Variants in JAK1 observed in about 807,000 individuals in gnomAD.
JAK1 encodes tyrosine-protein kinase JAK1.
Under a neutral mutation model 136.6 loss-of-function variants are expected in JAK1, and 16 were observed. The observed-to-expected ratio is 0.12, with a 90% CI of 0.08 to 0.18. JAK1 has a LOEUF of 0.18. Among genes scored for constraint, JAK1 ranks in the 10% least tolerant of loss-of-function variants. JAK1 has a pLI of 1.00. For synonymous variants in JAK1, 492 were observed against 519.5 expected, an observed-to-expected ratio of 0.95 and a Z score of 0.72; for missense variants, 859 against 1,450.1, an observed-to-expected ratio of 0.59 and a Z score of 6.62.
chr1:64,839,663 T>C lies in JAK1; in HGVS notation c.2782A>G (p.Ile928Val). ...HIADLKKEIE[I>V]LRNLYHENIV... ...TTCTCATGATAGAGGTTCCTTAAGA[T>C]CTCGATTTCCTTTTTCAGATCAGCT... Residue 928 changes from isoleucine to valine, a missense_variant, in exon 20 of 25, where the codon ATC becomes GTC. Ile to Val is a conservative substitution (Grantham distance 29). Around this residue, in one of 4 missense-constraint regions of JAK1, gnomAD observed 409 missense variants for 753.8 expected, o/e 0.54. Transcript: ENST00000342505. 2 of 1,614,212 alleles carry C rather than the reference T, an allele frequency of 1.2e-6. No homozygotes were observed. Among genetic ancestry groups the C allele is most frequent in the South Asian group, 1.1e-5 (1 of 91,082 alleles).
At chr1:65,051,313 T>C (rs1001317944) in intron 1 of JAK1, among the ~76,000 whole-genome samples, 2 of 152,132 alleles carry the variant, frequency 1.3e-5, no homozygotes, top group African/African-American at 4.8e-5. Flanking sequence ...AAAAAGGGTG[T>C]CTATATTCCC....
chr1:64,956,597 A>C (rs2100605853), intron 1 of JAK1, among the ~76,000 whole-genome samples: 1 of 152,304 alleles, frequency 6.6e-6, no homozygotes, highest in East Asian at 1.9e-4. Flanking sequence ...ACCTGAAATT[A>C]TCTTGTTTAT....
rs59600958 is a variant in JAK1 at position 64,879,281 on chromosome 1, G to A, written c.206-133C>T. On this transcript the variant is annotated intron_variant, in intron 3 of 24. Transcript: ENST00000342505. ...ATCTGGGTCACTCATATCCTCTTAG[G>A]GCAAACAGACTTCCGACCAGGTTCG... 5.0e-3 allele frequency: 5,119 copies of A among 1,028,720 alleles called. 208 individuals carry two copies. In the African/African-American group the frequency reaches 0.077, roughly 15 times the overall value. The allele number at this position is 1,028,720 out of a possible 1,614,324, so 63.7% of individuals were successfully genotyped here.
At chr1:64,860,861 T>TGTGG (rs58016723) in intron 8 of JAK1, among the ~76,000 whole-genome samples, 1 of 132,330 alleles carries the variant, frequency 7.6e-6, no homozygotes, top group South Asian at 2.4e-4. Context: ...TGTGTGTGTG[T>TGTGG]TGGGGGTGAC....
chr1:64,945,851 C>A (rs1645976070), intron 1 of JAK1, among the ~76,000 whole-genome samples: 1 of 152,108 alleles, frequency 6.6e-6, no homozygotes. Context: ...GCCTCAGCCT[C>A]CTGAGTAGCT....
intron 2 of JAK1, among the ~76,000 whole-genome samples, chr1:64,975,921 G>C (rs2100683171): frequency 6.6e-6 from 1 of 152,286 alleles, no homozygotes; most frequent in African/African-American, 2.4e-5. Context: ...GGAATTCAAA[G>C]TGCCCTGGTG....
At chr1:65,001,585 G>T (rs1278907082) in intron 2 of JAK1, among the ~76,000 whole-genome samples, 1 of 151,872 alleles carries the variant, frequency 6.6e-6, no homozygotes, top group East Asian at 1.9e-4. Flanking sequence ...ATGTCTAAGA[G>T]GTAGCAAGTG....
intron 8 of JAK1, among the ~76,000 whole-genome samples, chr1:64,860,981 T>TGTA (rs1656294523): frequency 1.5e-5 from 2 of 130,942 alleles, no homozygotes; most frequent in Admixed American, 1.6e-4. Flanking sequence ...TGTGTGTGTG[T>TGTA]TGGGGGTGAC....
chr1:64,839,150 A>C (rs1654720556), intron 20 of JAK1, among the ~76,000 whole-genome samples: 1 of 150,874 alleles, frequency 6.6e-6, no homozygotes, highest in South Asian at 2.1e-4. Context: ...CGTCTCAAAA[A>C]AAAAAAAAAA....
rs371900175 is a variant in JAK1 at position 64,836,091 on chromosome 1, G to A, written c.3258+7C>T. The A allele has an allele frequency of 3.4e-4, 502 of 1,490,368 alleles. No homozygotes were observed. The highest frequency in any genetic ancestry group is 4.5e-4 in the Non-Finnish European group (481 of 1,067,792). 92.3% of individuals were successfully genotyped at this position (1,490,368 alleles called of 1,614,324 possible). On this transcript the variant is annotated splice_region_variant and intron_variant, in intron 23 of 24. Transcript: ENST00000342505. ...TGGATTCAAATGAAGAGAAAAGTAG[G>A]ACTTACAGCCATGGGACTAGAATCT...
Position 64,984,813 on chromosome 1 carries a change from C to T in JAK1, c.-78+59667G>A, listed in dbSNP as rs1569820668. 9.1e-7 allele frequency: 1 copy of T among 1,099,878 alleles called. No homozygotes were observed. Among genetic ancestry groups the T allele is most frequent in the Non-Finnish European group, 1.4e-6 (1 of 731,950 alleles). The allele number at this position is 1,099,878 out of a possible 1,614,324, so 68.1% of individuals were successfully genotyped here. A position where few individuals can be genotyped will look rare whatever the true frequency, so the allele number is the denominator to read the frequency against. Reference sequence around the variant, plus strand: ...GGTGAAGATAATAAAAACGTAGGCTCCTAAATAGTAAGCAGCAGAAGGGAA... The same window carrying T: ...GGTGAAGATAATAAAAACGTAGGCTTCTAAATAGTAAGCAGCAGAAGGGAA... On this transcript the variant is annotated intron_variant, in intron 2 of 25. Transcript: ENST00000671954. This position sits in a 1 kb window ranked among gnomAD's most constrained non-coding sequence, Gnocchi z 4.1.
intron 1 of JAK1, among the ~76,000 whole-genome samples, chr1:65,060,598 T>C (rs1647751033): frequency 6.6e-6 from 1 of 152,120 alleles, no homozygotes. Flanking sequence ...CTCATTTCAT[T>C]TTTTTACCTA....
chr1:64,849,550 C>T (rs571909190), intron 12 of JAK1, among the ~76,000 whole-genome samples: 2 of 152,336 alleles, frequency 1.3e-5, no homozygotes, highest in East Asian at 3.9e-4. Flanking sequence ...AAGCTATCTC[C>T]GTCCTCTCAA....
chr1:65,053,403 G>T (rs1647379767), intron 1 of JAK1, among the ~76,000 whole-genome samples: 1 of 151,972 alleles, frequency 6.6e-6, no homozygotes, highest in African/African-American at 2.4e-5. Context: ...AGTATGAATA[G>T]AATGCACCTG....
intron 20 of JAK1, 184 bp downstream of exon 20, chr1:64,839,419 T>TC: frequency 1.9e-6 from 1 of 529,622 alleles, no homozygotes; most frequent in Non-Finnish European, 3.3e-6. Context: ...GGTGGCCTCC[T>TC]CAGGAGCCCT....
At chr1:65,038,418 G>A (rs1475156415) in intron 2 of JAK1, among the ~76,000 whole-genome samples, 2 of 151,522 alleles carry the variant, frequency 1.3e-5, no homozygotes, top group African/African-American at 4.8e-5. Flanking sequence ...AGGCTGGTCT[G>A]GAACTCCCGA....
At position 64,838,452 on chromosome 1, in the gene JAK1, C is replaced by CT. The variant is rs777822614; in HGVS notation, c.2967+12dup. On this transcript the variant is annotated intron_variant, in intron 21 of 24. Coordinates refer to ENST00000342505, the MANE Select transcript of JAK1 (RefSeq NM_002227.4). The stretch of plus-strand genomic sequence containing the variant: ...GATGTCTTAATCTGTAACATGATGT[C>CT]TTTATTTTTTACCTTACAAATCTGA... 1.3e-5 allele frequency: 21 copies of CT among 1,613,186 alleles called. No homozygotes were observed. Among genetic ancestry groups the CT allele is most frequent in the Non-Finnish European group, 1.6e-5 (19 of 1,179,662 alleles).
At chr1:64,873,850 C>A (rs912697647) in intron 4 of JAK1, among the ~76,000 whole-genome samples, 5 of 152,198 alleles carry the variant, frequency 3.3e-5, no homozygotes, top group Admixed American at 6.5e-5. Context: ...GCTCCCTGCA[C>A]GCTTACCATC....
chr1:64,922,821 T>C (rs1346168742), intron 1 of JAK1, among the ~76,000 whole-genome samples: 1 of 152,164 alleles, frequency 6.6e-6, no homozygotes, highest in Non-Finnish European at 1.5e-5. Flanking sequence ...TTGACATCAG[T>C]CAAACCTGAG....
Sources: gnomAD v4.1 joint callset for allele counts (sites outside exome capture counted in the v4.1 genomes callset) on GRCh38, gnomAD v4.1.1 for gene constraint, gnomAD v4.1.1 regional missense constraint, Gnocchi (gnomAD v3.1) non-coding constraint, MANE v1.5 for transcripts, NCBI Gene and HGNC (gene_info 2026-07-23, HGNC 2026-07-21) for gene names.